BCO2: variants seen among roughly 807,000 people sequenced by gnomAD.
The protein encoded by BCO2 is carotenoid-cleaving dioxygenase, mitochondrial.
BCO2 carries 56 observed loss-of-function variants against 65.8 expected under a neutral mutation model. That is an observed-to-expected ratio of 0.85 (90% CI 0.69 to 1.06). BCO2 has a LOEUF of 1.06. Among genes scored for constraint, BCO2 ranks in the 50% least tolerant of loss-of-function variants. The pLI is 0.00. For missense variants in BCO2, 675 were observed against 698.5 expected, an observed-to-expected ratio of 0.97 and a Z score of 0.38; for synonymous variants, 233 against 242.3, an observed-to-expected ratio of 0.96 and a Z score of 0.36.
At position 112,188,061 on chromosome 11, in the gene BCO2, CCCG is replaced by C. The variant is rs370297694; in HGVS notation, c.294-5410_294-5408del. ...ATACTCTCAAACATGGATCTCCCACCCCGCCCCCAGCTCTTGGGCTCTAGACCT... is the reference window on the plus strand; with the variant it reads ...ATACTCTCAAACATGGATCTCCCACCCCCCCAGCTCTTGGGCTCTAGACCT... On this transcript the variant is annotated intron_variant, in intron 2 of 11. Transcript: ENST00000357685. 2.3e-4 allele frequency among the ~76,000 whole-genome samples: 35 copies of C among 152,206 alleles called. No individual in the cohort carries two copies. In the East Asian group the frequency reaches 6.4e-3, roughly 28 times the overall value.
intron 5 of BCO2, among the ~76,000 whole-genome samples, chr11:112,196,639 T>C (rs1259084570): frequency 6.6e-6 from 1 of 152,208 alleles, no homozygotes; most frequent in Non-Finnish European, 1.5e-5. Flanking sequence ...ATGTTTTGTA[T>C]GTAGTGGGTT....
chr11:112,180,291 G>T (rs1242942931), intron 2 of BCO2, among the ~76,000 whole-genome samples: 1 of 152,154 alleles, frequency 6.6e-6, no homozygotes, highest in Non-Finnish European at 1.5e-5. Context: ...CAAGAGATTG[G>T]TTGAATCCAC....
intron 7 of BCO2, among the ~76,000 whole-genome samples, chr11:112,201,692 T>C (rs2135381405): frequency 6.6e-6 from 1 of 152,336 alleles, no homozygotes; most frequent in African/African-American, 2.4e-5. Flanking sequence ...GTAGCAATAT[T>C]TTCTATTTAA....
intron 7 of BCO2, 97 bp downstream of exon 7, chr11:112,200,870 G>T: frequency 7.6e-7 from 1 of 1,321,138 alleles, no homozygotes; most frequent in Non-Finnish European, 1.1e-6. Context: ...GGTTAAAAGT[G>T]CATAAGACAC....
chr11:112,192,852 A>G (rs1352390116), intron 2 of BCO2, among the ~76,000 whole-genome samples: 1 of 126,662 alleles, frequency 7.9e-6, no homozygotes, highest in African/African-American at 3.0e-5. Flanking sequence ...CTCTCATGCT[A>G]TTATCTTAGC....
intron 2 of BCO2, among the ~76,000 whole-genome samples, chr11:112,192,998 G>T (rs1424118988): frequency 8.8e-5 from 3 of 33,920 alleles, no homozygotes; most frequent in African/African-American, 3.1e-4. Flanking sequence ...TTTTTTTTGA[G>T]ATAGAGTCTC....
chr11:112,214,700 C>G, intron 9 of BCO2, 62 bp from the exon 10 acceptor site: 1 of 1,418,794 alleles, frequency 7.0e-7, no homozygotes, highest in East Asian at 2.3e-5. Context: ...TCCTCACTGA[C>G]CTACATAAGA....
intron 2 of BCO2, chr11:112,181,222 C>T (rs1867035387): frequency 2.8e-6 from 2 of 719,430 alleles, no homozygotes; most frequent in Admixed American, 2.3e-5. Context: ...CGCTCTGTCG[C>T]CCAGGCTGGA....
At chr11:112,192,677 CTT>C (rs71463410) in intron 2 of BCO2, among the ~76,000 whole-genome samples, 23 of 124,762 alleles carry the variant, frequency 1.8e-4, no homozygotes, top group Non-Finnish European at 1.7e-4. Context: ...TTCTTTCTTT[CTT>C]TTTTTTTTTT....
At chr11:112,204,436 T>G (rs955665881) in intron 8 of BCO2, among the ~76,000 whole-genome samples, 2 of 152,178 alleles carry the variant, frequency 1.3e-5, no homozygotes, top group Non-Finnish European at 2.9e-5. Context: ...GGAGAGGGAT[T>G]GCTGGGTCAT....
intron 2 of BCO2, among the ~76,000 whole-genome samples, chr11:112,183,440 G>A (rs1188384677): frequency 6.6e-6 from 1 of 152,078 alleles, no homozygotes; most frequent in African/African-American, 2.4e-5. Context: ...CTTTTTGAAC[G>A]GGGTAGGAGG....
At chr11:112,199,907 A>G (rs1867684258) in intron 6 of BCO2, 80 bp downstream of exon 6, 2 of 1,509,902 alleles carry the variant, frequency 1.3e-6, no homozygotes, top group East Asian at 2.3e-5. Context: ...GGCAAATGTT[A>G]TGTTAATAGT....
In BCO2 at chr11:112,208,753, T is replaced by A. The variant is rs963344049; in HGVS notation, c.1195-4971T>A. On this transcript the variant is annotated intron_variant, in intron 8 of 11. Transcript: ENST00000357685. ...GCAACCATCTCACGATTCTGCAATT[T>A]CCCAGCATTCTAAGGGAAGTAAATT... 4 of 197,070 alleles carry A rather than the reference T, an allele frequency of 2.0e-5. No individual in the cohort carries two copies. In the South Asian group the frequency reaches 4.3e-4, roughly 21 times the overall value. 12.2% of individuals were successfully genotyped at this position (197,070 alleles called of 1,614,324 possible).
At chr11:112,201,736 T>G (rs1867740523) in intron 7 of BCO2, among the ~76,000 whole-genome samples, 1 of 152,202 alleles carries the variant, frequency 6.6e-6, no homozygotes, top group Non-Finnish European at 1.5e-5. Flanking sequence ...TACATATCAC[T>G]CAAAACATTG....
At chr11:112,197,547 CAAAA>C (rs67238692) in intron 5 of BCO2, among the ~76,000 whole-genome samples, 2 of 141,840 alleles carry the variant, frequency 1.4e-5, no homozygotes, top group African/African-American at 5.1e-5. Flanking sequence ...GACCCTGTCT[CAAAA>C]AAAAAAAAAA....
chr11:112,203,403 T>G (rs1867784794), intron 8 of BCO2, among the ~76,000 whole-genome samples: 1 of 152,236 alleles, frequency 6.6e-6, no homozygotes, highest in Non-Finnish European at 1.5e-5. Context: ...GGGTTTTTCA[T>G]GGCCTTTTGC....
At chr11:112,200,544 A>G in intron 6 of BCO2, 69 bp from the exon 7 acceptor site, 3 of 1,438,796 alleles carry the variant, frequency 2.1e-6, no homozygotes, top group Admixed American at 4.3e-5. Context: ...ACAAGTCCCC[A>G]TAACTGGCAC....
chr11:112,180,623 A>G, intron 2 of BCO2: 2 of 636,732 alleles, frequency 3.1e-6, no homozygotes, highest in Non-Finnish European at 5.8e-6. Flanking sequence ...GACAGAGTGC[A>G]TGTGTGTGGT....
intron 2 of BCO2, chr11:112,182,824 C>G: frequency 1.6e-6 from 1 of 607,268 alleles, no homozygotes; most frequent in Middle Eastern, 4.2e-4. Flanking sequence ...GCACGTGGTG[C>G]ACATGTACCC....
Sources: allele counts gnomAD v4.1 joint callset (sites outside exome capture counted in the v4.1 genomes callset), GRCh38; gene constraint gnomAD v4.1.1; transcripts MANE v1.5; gene names NCBI Gene and HGNC (gene_info 2026-07-23, HGNC 2026-07-21).